Variants in PCBP3 observed in about 807,000 individuals in gnomAD.
PCBP3 encodes the protein poly(rC)-binding protein 3.
In PCBP3, 25 loss-of-function variants were observed where a neutral mutation model predicts 52.7. The ratio of observed to expected loss-of-function variants is 0.47; its 90% CI spans 0.35 to 0.66. The LOEUF (loss-of-function observed/expected upper bound fraction) is 0.66. Ranked by LOEUF, PCBP3 falls within the 30% of genes least tolerant of loss-of-function variation. PCBP3 has a pLI of 0.01. For missense variants in PCBP3, 391 were observed against 490.3 expected (o/e 0.80, Z 1.91); for synonymous variants, 162 against 183.0 (o/e 0.89, Z 0.93).
In PCBP3 at chr21:45,914,054, C is replaced by G. The variant is rs200783962; in HGVS notation, c.675+29C>G. ...AGAGCCGATCCGCTCGCGGCCTCCA[C>G]TGCCAACCTCAGCCTTTTACTGCAG... On this transcript the variant is annotated intron_variant, in intron 12 of 17. Transcript: ENST00000681687. 1.9e-6 allele frequency: 3 copies of G among 1,613,042 alleles called. No homozygotes were observed. In the Admixed American group the frequency reaches 5.0e-5, roughly 27 times the overall value.
At chr21:45,826,180 C>T (rs1170416701) in intron 4 of PCBP3, among the ~76,000 whole-genome samples, 1 of 152,044 alleles carries the variant, frequency 6.6e-6, no homozygotes, top group Non-Finnish European at 1.5e-5. Context: ...ACTGCTGGAA[C>T]CCGGGAGGTG....
intron 1 of PCBP3, among the ~76,000 whole-genome samples, chr21:45,667,692 C>G (rs550349262): frequency 6.6e-6 from 1 of 152,172 alleles, no homozygotes; most frequent in East Asian, 1.9e-4. Flanking sequence ...ATTGCTTTTT[C>G]TTTCCCTGTG....
intron 13 of PCBP3, among the ~76,000 whole-genome samples, chr21:45,927,942 T>G (rs2075694740): frequency 6.6e-6 from 1 of 151,722 alleles, no homozygotes; most frequent in Non-Finnish European, 1.5e-5. Flanking sequence ...CCACTAGGAG[T>G]CGGGGGTTTG....
In PCBP3 at chr21:45,837,688, C is replaced by T. The variant is rs775881149; in HGVS notation, c.-125-12273C>T. Among the ~76,000 whole-genome samples, 6 of 152,186 alleles carry T rather than the reference C, an allele frequency of 3.9e-5. No individual in the cohort carries two copies. Among genetic ancestry groups the T allele is most frequent in the Non-Finnish European group, 8.8e-5 (6 of 68,040 alleles). The stretch of plus-strand genomic sequence containing the variant: ...CTGGTAGGTCTGAGGTGCGATTCCA[C>T]TCAGATTTATTTTTCCTGTGAGGCG... On this transcript the variant is annotated intron_variant, in intron 4 of 17. Coordinates refer to ENST00000681687, the MANE Select transcript of PCBP3 (RefSeq NM_001384156.1). This position sits in a 1 kb window ranked among gnomAD's most constrained non-coding sequence, Gnocchi z 4.1.
chr21:45,789,983 C>T (rs2091431022), intron 4 of PCBP3, among the ~76,000 whole-genome samples: 1 of 151,604 alleles, frequency 6.6e-6, no homozygotes, highest in South Asian at 2.1e-4. Context: ...ACTAAAAATA[C>T]AAAAAAAATA....
rs570675404 is a variant in PCBP3, at chr21:45,805,264, G to T, written c.-125-44697G>T. ...ACCTTCTATAGGAAGAGGCATTCTTGTGTGACTCTCTGGTCATTTGCTTGG... is the reference window on the plus strand; with the variant it reads ...ACCTTCTATAGGAAGAGGCATTCTTTTGTGACTCTCTGGTCATTTGCTTGG... On this transcript the variant is annotated intron_variant, in intron 4 of 17. Coordinates refer to ENST00000681687, the MANE Select transcript of PCBP3 (RefSeq NM_001384156.1). The surrounding 1 kb of genome is among the most constrained non-coding windows in gnomAD (Gnocchi z 4.6). Among the ~76,000 whole-genome samples the T allele has an allele frequency of 6.6e-6, 1 of 152,294 alleles. No individual in the cohort carries two copies. Among genetic ancestry groups the T allele is most frequent in the Admixed American group, 6.5e-5 (1 of 15,306 alleles).
At chr21:45,803,114 C>T (rs928704562) in intron 4 of PCBP3, among the ~76,000 whole-genome samples, 1 of 152,242 alleles carries the variant, frequency 6.6e-6, no homozygotes, top group African/African-American at 2.4e-5. Context: ...CAGCCTGTCT[C>T]TGCCTCCAGC....
chr21:45,913,024 C>G (rs1443732005), intron 11 of PCBP3, among the ~76,000 whole-genome samples: 4 of 152,172 alleles, frequency 2.6e-5, no homozygotes, highest in Non-Finnish European at 5.9e-5. Flanking sequence ...AGGCTGCCCC[C>G]TGCCAGGAAC....
chr21:45,762,516 G>C (rs1194140371), intron 4 of PCBP3: 1 of 42,936 alleles, frequency 2.3e-5, no homozygotes, highest in Non-Finnish European at 5.8e-5. Context: ...TTGAGACAGA[G>C]TCTCACTCTG....
rs1176323072 is a variant in PCBP3, at chr21:45,656,480, C to G, written c.-278-12394C>G. The stretch of plus-strand genomic sequence containing the variant: ...GACACAGGGAGGGGAACATCATACA[C>G]CAGGGCCTGTCGGTGGTGGGGGCCT... On this transcript the variant is annotated intron_variant, in intron 1 of 17. Transcript: ENST00000681687. The surrounding 1 kb of genome is among the most constrained non-coding windows in gnomAD (Gnocchi z 4.3). Among the ~76,000 whole-genome samples, 2 of 152,032 alleles carry G rather than the reference C, an allele frequency of 1.3e-5. No individual in the cohort carries two copies. Among genetic ancestry groups the G allele is most frequent in the Non-Finnish European group, 2.9e-5 (2 of 68,016 alleles).
At chr21:45,646,083 T>TTTCTCTCTCTC (rs1569069931) in intron 1 of PCBP3, among the ~76,000 whole-genome samples, 25 of 99,582 alleles carry the variant, frequency 2.5e-4, no homozygotes, top group Non-Finnish European at 4.4e-4. Flanking sequence ...CTCTCTCTCT[T>TTTCTCTCTCTC]TCTCTCTCTC....
At chr21:45,835,540 A>G (rs1349066497) in intron 4 of PCBP3, among the ~76,000 whole-genome samples, 2 of 152,206 alleles carry the variant, frequency 1.3e-5, no homozygotes, top group Non-Finnish European at 2.9e-5. Context: ...GAGGTCAGAG[A>G]GGCAGAAACA....
rs1201562386 is a variant in PCBP3 at position 45,916,727 on chromosome 21, C to T, written c.676-861C>T. 4.6e-5 allele frequency: 7 copies of T among 152,252 alleles called. No individual in the cohort carries two copies. The East Asian group carries it at 1.2e-3, about 25-fold the overall frequency. The allele number at this position is 152,252 out of a possible 1,614,324, so 9.4% of individuals were successfully genotyped here. On this transcript the variant is annotated intron_variant, in intron 12 of 17. Coordinates refer to ENST00000681687, the MANE Select transcript of PCBP3 (RefSeq NM_001384156.1). The stretch of plus-strand genomic sequence containing the variant: ...GGCTGGTAGCCGCTCCCTCCACCCC[C>T]AGGCTGCCACCAGGCCTGGTGCAGC...
At chr21:45,655,599 C>T (rs1210711458) in intron 1 of PCBP3, among the ~76,000 whole-genome samples, 4 of 151,828 alleles carry the variant, frequency 2.6e-5, no homozygotes, top group Admixed American at 6.6e-5. Flanking sequence ...AAATCCTTTG[C>T]CCAAGACTTC....
intron 4 of PCBP3, among the ~76,000 whole-genome samples, chr21:45,785,338 T>A (rs1207394658): frequency 8.9e-6 from 1 of 112,372 alleles, no homozygotes; most frequent in East Asian, 2.7e-4. Flanking sequence ...GGGAGGGAGG[T>A]GGGGGGGTCA....
At chr21:45,818,966 TA>T (rs748199785) in intron 4 of PCBP3, among the ~76,000 whole-genome samples, 10 of 152,270 alleles carry the variant, frequency 6.6e-5, no homozygotes, top group Admixed American at 2.0e-4. Flanking sequence ...GACAAAACTA[TA>T]AAAATAGTAT....
At chr21:45,882,789 C>T (rs187762653) in intron 5 of PCBP3, among the ~76,000 whole-genome samples, 36 of 152,206 alleles carry the variant, frequency 2.4e-4, no homozygotes, top group Admixed American at 2.1e-3. Flanking sequence ...ACTGTCCTTC[C>T]CCGTGTGTGT....
chr21:45,754,273 C>T (rs2087819769), intron 3 of PCBP3, among the ~76,000 whole-genome samples: 1 of 152,048 alleles, frequency 6.6e-6, no homozygotes, highest in African/African-American at 2.4e-5. Context: ...AAGAATAGTT[C>T]AAGTACCCAG....
At chr21:45,824,304 G>A (rs532418550) in intron 4 of PCBP3, among the ~76,000 whole-genome samples, 66 of 152,256 alleles carry the variant, frequency 4.3e-4, no homozygotes, top group African/African-American at 1.4e-3. Context: ...AGAACACTCC[G>A]AGTTTTGCTG....
Sources: allele counts gnomAD v4.1 joint callset (sites outside exome capture counted in the v4.1 genomes callset), GRCh38; gene constraint gnomAD v4.1.1; non-coding constraint Gnocchi (gnomAD v3.1); transcripts MANE v1.5; gene names NCBI Gene and HGNC (gene_info 2026-07-23, HGNC 2026-07-21).